The following GHR variants were observed in gnomAD, a reference collection of about 807,000 sequenced individuals.
GHR encodes the protein GH receptor.
GHR carries 35 observed loss-of-function variants against 67.1 expected under a neutral mutation model. The observed-to-expected ratio is 0.52, with a 90% CI of 0.40 to 0.69. The LOEUF is 0.69. Among genes scored for constraint, GHR ranks in the 30% least tolerant of loss-of-function variants. The pLI is 0.00. For synonymous variants in GHR, 272 were observed against 269.1 expected, an observed-to-expected ratio of 1.01 and a Z score of -0.10; for missense variants, 792 against 764.6, an observed-to-expected ratio of 1.04 and a Z score of -0.42.
At chr5:42,493,313 C>T (rs1746192953) in intron 1 of GHR, among the ~76,000 whole-genome samples, 2 of 152,124 alleles carry the variant, frequency 1.3e-5, no homozygotes, top group Admixed American at 1.3e-4. Context: ...TCAAAAATAA[C>T]TGCTCTTTGA....
At position 42,719,000 on chromosome 5, in the gene GHR, G is replaced by A. The variant is rs1366820500; in HGVS notation, c.1493G>A (p.Ser498Asn). Residue 498 changes from serine (S) to asparagine (N), a missense_variant, in exon 10 of 10, where the codon AGT becomes AAT. Physicochemically the swap from Ser to Asn is conservative, Grantham distance 46. Coordinates refer to ENST00000230882, the MANE Select transcript of GHR (RefSeq NM_000163.5). ...GTGAGCGACATTACACCAGCAGGTA[G>A]TGTGGTCCTTTCCCCGGGCCAAAAG... ...AQVSDITPAG[S>N]VVLSPGQKNK... 6.2e-7 allele frequency: 1 copy of A among 1,608,710 alleles called. No individual in the cohort carries two copies. Among genetic ancestry groups the A allele is most frequent in the Non-Finnish European group, 8.5e-7 (1 of 1,176,414 alleles).
At chr5:42,441,566 G>A (rs980638910) in intron 1 of GHR, among the ~76,000 whole-genome samples, 3 of 151,886 alleles carry the variant, frequency 2.0e-5, no homozygotes, top group Non-Finnish European at 4.4e-5. Context: ...CTGGAGTGCA[G>A]TGGCACGATC....
chr5:42,569,105 G>A (rs1750119114), intron 2 of GHR, among the ~76,000 whole-genome samples: 1 of 152,194 alleles, frequency 6.6e-6, no homozygotes, highest in East Asian at 1.9e-4. Flanking sequence ...CTAGAGACTA[G>A]AATGTCAGGT....
chr5:42,551,860 A>G (rs1311403763), intron 1 of GHR, among the ~76,000 whole-genome samples: 1 of 152,260 alleles, frequency 6.6e-6, no homozygotes, highest in Non-Finnish European at 1.5e-5. Flanking sequence ...ATTTGAGAGT[A>G]AAGTTTTAAC....
rs145263316 is a variant in GHR, at chr5:42,612,416, G to A, written c.71-16622G>A. Among the ~76,000 whole-genome samples the A allele has an allele frequency of 4.3e-3, 659 of 152,204 alleles. 4 individuals carry two copies. The highest frequency in any genetic ancestry group is 0.015 in the African/African-American group (637 of 41,542). ...TTTAGGAAGAAAATCTGGCTGAATA[G>A]TAAACAATTACTATTTTCAAACAGT... On this transcript the variant is annotated intron_variant, in intron 2 of 9. Transcript: ENST00000230882.
chr5:42,709,502 T>C (rs34382565), intron 6 of GHR, among the ~76,000 whole-genome samples: 4,839 of 152,242 alleles, frequency 0.032, 211 homozygotes, highest in South Asian at 0.18. Flanking sequence ...ATTTATCTAG[T>C]AAACCAATAA....
At chr5:42,637,707 A>G (rs886389747) in intron 3 of GHR, among the ~76,000 whole-genome samples, 4 of 152,074 alleles carry the variant, frequency 2.6e-5, no homozygotes, top group Non-Finnish European at 1.5e-5. Context: ...TCCACCATCA[A>G]TGCGCATCTA....
intron 2 of GHR, among the ~76,000 whole-genome samples, chr5:42,613,778 G>A (rs557304206): frequency 1.3e-5 from 2 of 152,184 alleles, no homozygotes; most frequent in Admixed American, 6.5e-5. Flanking sequence ...ATGGGGAATA[G>A]GGAACAACTG....
At chr5:42,600,532 C>T (rs1264002209) in intron 2 of GHR, among the ~76,000 whole-genome samples, 2 of 152,196 alleles carry the variant, frequency 1.3e-5, no homozygotes, top group Non-Finnish European at 2.9e-5. Flanking sequence ...GGCAATCCCT[C>T]AAAGGAGTAA....
At chr5:42,436,480 C>T (rs1057491197) in intron 1 of GHR, among the ~76,000 whole-genome samples, 5 of 152,224 alleles carry the variant, frequency 3.3e-5, no homozygotes, top group South Asian at 2.1e-4. Flanking sequence ...TTTTCAAAAC[C>T]TGCCTAACAT....
At chr5:42,568,471 C>T (rs536195516) in intron 2 of GHR, among the ~76,000 whole-genome samples, 1 of 152,260 alleles carries the variant, frequency 6.6e-6, no homozygotes, top group East Asian at 1.9e-4. Context: ...AAGGGCTTCA[C>T]ATGGTTGACC....
At chr5:42,587,017 C>T (rs1451925469) in intron 2 of GHR, among the ~76,000 whole-genome samples, 3 of 147,620 alleles carry the variant, frequency 2.0e-5, no homozygotes, top group Non-Finnish European at 4.5e-5. Context: ...AAAAGTAATA[C>T]ACACTGAAAA....
intron 1 of GHR, among the ~76,000 whole-genome samples, chr5:42,540,655 T>G (rs1748466099): frequency 6.6e-6 from 1 of 152,106 alleles, no homozygotes; most frequent in Admixed American, 6.5e-5. Flanking sequence ...TCCTCCCTAG[T>G]GTGAGTCCGC....
At chr5:42,546,515 C>T (rs1748739467) in intron 1 of GHR, among the ~76,000 whole-genome samples, 1 of 152,188 alleles carries the variant, frequency 6.6e-6, no homozygotes, top group African/African-American at 2.4e-5. Flanking sequence ...CATGTGACCA[C>T]AGTTAGCTGC....
intron 2 of GHR, among the ~76,000 whole-genome samples, chr5:42,567,562 G>A (rs760826705): frequency 3.3e-5 from 5 of 151,686 alleles, no homozygotes; most frequent in Non-Finnish European, 7.4e-5. Flanking sequence ...CAGTACTTAC[G>A]CATAAGAAGT....
chr5:42,537,511 T>G lies in GHR; in HGVS notation c.-11-28353T>G, dbSNP rs1748310690. ...TGATTTCCAGGTTTATTCAATGTGG[T>G]CTGAGAGAGTACTTGATATAATTTC... On this transcript the variant is annotated intron_variant, in intron 1 of 9. Coordinates refer to ENST00000230882, the MANE Select transcript of GHR (RefSeq NM_000163.5). Among the ~76,000 whole-genome samples the G allele has an allele frequency of 2.0e-5, 3 of 152,178 alleles. No homozygotes were observed. In the South Asian group the frequency reaches 6.2e-4, roughly 32 times the overall value.
intron 8 of GHR, chr5:42,714,207 C>A (rs1041685587): frequency 1.3e-4 from 20 of 152,260 alleles, no homozygotes; most frequent in Admixed American, 5.2e-4. Context: ...CGCGCCTGGC[C>A]CCATTTAAGG....
At chr5:42,460,575 T>C (rs903559441) in intron 1 of GHR, among the ~76,000 whole-genome samples, 1 of 152,192 alleles carries the variant, frequency 6.6e-6, no homozygotes, top group Non-Finnish European at 1.5e-5. Flanking sequence ...ACGGTGCTTG[T>C]TCCTCTCTGG....
At chr5:42,563,067 T>A (rs1160308486) in intron 1 of GHR, among the ~76,000 whole-genome samples, 1 of 152,244 alleles carries the variant, frequency 6.6e-6, no homozygotes, top group Admixed American at 6.5e-5. Context: ...TTGTGGCATC[T>A]GCCAGGCATC....
Sources: gnomAD v4.1 joint callset for allele counts (sites outside exome capture counted in the v4.1 genomes callset) on GRCh38, gnomAD v4.1.1 for gene constraint, MANE v1.5 for transcripts, NCBI Gene and HGNC (gene_info 2026-07-23, HGNC 2026-07-21) for gene names.